DIP2B: variants seen among roughly 807,000 people sequenced by gnomAD.
DIP2B encodes the protein disco-interacting protein 2 homolog B.
Under a neutral mutation model 198.0 loss-of-function variants are expected in DIP2B, and 76 were observed. The ratio of observed to expected loss-of-function variants is 0.38; its 90% CI spans 0.32 to 0.46. The LOEUF is 0.46. Ranked by LOEUF, DIP2B falls within the 20% of genes least tolerant of loss-of-function variation. The pLI is 0.99. For missense variants in DIP2B, 1,559 were observed against 1,978.4 expected (o/e 0.79, Z 4.02); for synonymous variants, 701 against 739.1 (o/e 0.95, Z 0.84).
intron 1 of DIP2B, among the ~76,000 whole-genome samples, chr12:50,600,894 TCACCACCACCACCAC>T (rs34616785): frequency 7.5e-4 from 91 of 121,582 alleles, no homozygotes; most frequent in African/African-American, 2.3e-3. Flanking sequence ...ATGACCACCA[TCACCACCACCACCAC>T]CACCACCACC....
At chr12:50,663,515 C>CA (rs1938691033) in intron 4 of DIP2B, among the ~76,000 whole-genome samples, 1 of 151,080 alleles carries the variant, frequency 6.6e-6, no homozygotes, top group African/African-American at 2.4e-5. Context: ...GAGACCGCGC[C>CA]ACTGCATTCC....
Position 50,534,643 on chromosome 12 carries a change from C to T in DIP2B, c.100+29403C>T, listed in dbSNP as rs563046438. Among the ~76,000 whole-genome samples the T allele has an allele frequency of 7.1e-4, 108 of 152,242 alleles. No homozygotes were observed. In the South Asian group the frequency reaches 7.7e-3, roughly 11 times the overall value. On this transcript the variant is annotated intron_variant, in intron 1 of 37. Transcript: ENST00000301180. ...CCTCCCAAAGTGCTGGGATTACAGG[C>T]GTGAGCCACCATGCCCGGCCTCAGT...
intron 3 of DIP2B, among the ~76,000 whole-genome samples, chr12:50,644,280 C>CAA (rs1938311516): frequency 6.6e-6 from 1 of 152,102 alleles, no homozygotes; most frequent in Non-Finnish European, 1.5e-5. Context: ...AGTATGGTCT[C>CAA]AAATGTAGAA....
At position 50,678,777 on chromosome 12, in the gene DIP2B, C is replaced by G. The variant is rs1439939886; in HGVS notation, c.1015C>G (p.Leu339Val). 6.2e-7 allele frequency: 1 copy of G among 1,614,226 alleles called. No homozygotes were observed. The highest frequency in any genetic ancestry group is 2.2e-5 in the East Asian group (1 of 44,878). Residue 339 changes from leucine to valine, a missense_variant, in exon 8 of 38, where the codon CTT (leucine) becomes GTT (valine). Physicochemically the swap from Leu to Val is conservative, Grantham distance 32. Coordinates refer to ENST00000301180, the MANE Select transcript of DIP2B (RefSeq NM_173602.3). ...AGTCATCTGTAACTGGCCTCCTGCT[C>G]TTGAATCTGCCCTGCAGCGCTGGGG... ...LGVICNWPPALESALQRWGTT... is the reference protein window; with the variant it reads ...LGVICNWPPAVESALQRWGTT...
chr12:50,572,040 A>G (rs1249675650), intron 1 of DIP2B, among the ~76,000 whole-genome samples: 1 of 152,186 alleles, frequency 6.6e-6, no homozygotes, highest in Non-Finnish European at 1.5e-5. Flanking sequence ...AGTTTGTTAC[A>G]ACACAGCTCC....
intron 1 of DIP2B, among the ~76,000 whole-genome samples, chr12:50,543,173 C>T (rs1270433903): frequency 1.3e-5 from 2 of 152,080 alleles, no homozygotes; most frequent in Admixed American, 1.3e-4. Flanking sequence ...CGTGCCTGTC[C>T]CAGAGGTGTC....
At chr12:50,598,584 G>C (rs571366672) in intron 1 of DIP2B, among the ~76,000 whole-genome samples, 3 of 151,734 alleles carry the variant, frequency 2.0e-5, no homozygotes, top group Admixed American at 2.0e-4. Flanking sequence ...ATCTATAAAT[G>C]GATGCTTTTA....
chr12:50,533,780 T>G (rs956661314), intron 1 of DIP2B, among the ~76,000 whole-genome samples: 1 of 152,038 alleles, frequency 6.6e-6, no homozygotes, highest in Admixed American at 6.6e-5. Flanking sequence ...TAGACAGAGA[T>G]TCTCACTACT....
At chr12:50,707,436 T>A (rs1939533446) in intron 21 of DIP2B, among the ~76,000 whole-genome samples, 1 of 152,162 alleles carries the variant, frequency 6.6e-6, no homozygotes, top group South Asian at 2.1e-4. Flanking sequence ...AGGTGTTGGG[T>A]GAATGTATGT....
intron 28 of DIP2B, 48 bp from the exon 29 acceptor site, chr12:50,727,655 A>G (rs758309339): frequency 6.5e-7 from 1 of 1,531,604 alleles, no homozygotes; most frequent in Admixed American, 1.7e-5. Context: ...AATGATTTTC[A>G]TGTTCCAGCA....
rs74751916 is a variant in DIP2B at position 50,686,581 on chromosome 12, C to T, written c.1450C>T (p.Arg484Trp). 33,405 of 1,613,748 alleles carry T rather than the reference C, an allele frequency of 0.021. 422 individuals are homozygous for T. The highest frequency in any genetic ancestry group is 0.023 in the Non-Finnish European group (27,615 of 1,179,860). Residue 484 changes from arginine (R) to tryptophan (W), a missense_variant, in exon 12 of 38, where the codon CGG (arginine) becomes TGG (tryptophan). Coordinates refer to ENST00000301180, the MANE Select transcript of DIP2B (RefSeq NM_173602.3). ...CTTTGGGTTTGATTTAGGTTGGCCC[C>T]GGCTCAAATGGGTTGTAACAGATTC... is the stretch of plus-strand genomic sequence containing the variant. ...GEIVQFKGWP[R>W]LKWVVTDSKY... is the part of the protein sequence containing the mutation.
At chr12:50,648,389 A>G (rs1013472381) in intron 3 of DIP2B, among the ~76,000 whole-genome samples, 3 of 151,902 alleles carry the variant, frequency 2.0e-5, no homozygotes, top group African/African-American at 4.8e-5. Flanking sequence ...TTTGAGACGG[A>G]GTCTCGCTCT....
chr12:50,593,697 T>TCTCCTCTCCC (rs1565836957), intron 1 of DIP2B, among the ~76,000 whole-genome samples: 20 of 97,746 alleles, frequency 2.0e-4, no homozygotes, highest in Non-Finnish European at 2.8e-4. Context: ...TCTTTTCTCC[T>TCTCCTCTCCC]CTCCTCTCCC....
intron 1 of DIP2B, among the ~76,000 whole-genome samples, chr12:50,560,856 A>G (rs1958514052): frequency 6.6e-6 from 1 of 152,176 alleles, no homozygotes; most frequent in Non-Finnish European, 1.5e-5. Context: ...TCAGTGAGAT[A>G]GTTCATTTAT....
At chr12:50,665,418 A>G (rs1260588943) in intron 4 of DIP2B, among the ~76,000 whole-genome samples, 4 of 152,172 alleles carry the variant, frequency 2.6e-5, no homozygotes, top group Admixed American at 6.5e-5. Flanking sequence ...GATTGTGTTC[A>G]TTATTCCACT....
chr12:50,672,183 A>G (rs1938867424), intron 5 of DIP2B, among the ~76,000 whole-genome samples: 1 of 151,934 alleles, frequency 6.6e-6, no homozygotes, highest in Non-Finnish European at 1.5e-5. Flanking sequence ...TGTCTATATC[A>G]CCTAATATAT....
intron 21 of DIP2B, among the ~76,000 whole-genome samples, chr12:50,707,806 G>T (rs2139569285): frequency 6.6e-6 from 1 of 152,180 alleles, no homozygotes; most frequent in South Asian, 2.1e-4. Flanking sequence ...ACCTCCCTCA[G>T]AACCAACTTC....
At position 50,718,726 on chromosome 12, in the gene DIP2B, G is replaced by T; in HGVS notation, c.2869G>T (p.Val957Leu). The T allele has an allele frequency of 6.2e-7, 1 of 1,614,144 alleles. No homozygotes were observed. Among genetic ancestry groups the T allele is most frequent in the Non-Finnish European group, 8.5e-7 (1 of 1,180,012 alleles). Residue 957 changes from valine (V) to leucine (L), a missense_variant, in exon 24 of 38, where the codon GTG (valine) becomes TTG (leucine). Val to Leu is a conservative substitution (Grantham distance 32, BLOSUM62 1). Coordinates refer to ENST00000301180, the MANE Select transcript of DIP2B (RefSeq NM_173602.3). Reference protein sequence around the residue: ...QKQPGVGPASVMVGNLVAGKR... With the variant: ...QKQPGVGPASLMVGNLVAGKR... ...ATTTACAGGTGTAGGCCCTGCTTCC[G>T]TGATGGTTGGGAATCTGGTTGCTGG...
chr12:50,716,444 C>T (rs1183633958), intron 23 of DIP2B, among the ~76,000 whole-genome samples: 3 of 152,000 alleles, frequency 2.0e-5, no homozygotes, highest in East Asian at 1.9e-4. Context: ...AGGAGAATGG[C>T]GTGAACCTGG....
Sources: gnomAD v4.1 joint callset for allele counts (sites outside exome capture counted in the v4.1 genomes callset) on GRCh38, gnomAD v4.1.1 for gene constraint, MANE v1.5 for transcripts, NCBI Gene and HGNC (gene_info 2026-07-23, HGNC 2026-07-21) for gene names.